Variants in LRMDA observed in about 807,000 individuals in gnomAD.
The protein encoded by LRMDA is leucine rich melanocyte differentiation associated.
LRMDA carries 18 observed loss-of-function variants against 29.8 expected under a neutral mutation model. That is an observed-to-expected ratio of 0.60 (90% CI 0.42 to 0.90). LRMDA has a LOEUF of 0.90. Ranked by LOEUF, LRMDA falls within the 40% of genes least tolerant of loss-of-function variation. The pLI is 0.00. For missense variants in LRMDA, 273 were observed against 273.9 expected (o/e 1.00, Z 0.02); for synonymous variants, 125 against 109.4 (o/e 1.14, Z -0.89).
chr10:75,490,204 C>T (rs1181527466), intron 2 of LRMDA, among the ~76,000 whole-genome samples: 1 of 152,176 alleles, frequency 6.6e-6, no homozygotes, highest in African/African-American at 2.4e-5. Flanking sequence ...TCAAAGTCTA[C>T]TCCTATCAAC....
intron 2 of LRMDA, among the ~76,000 whole-genome samples, chr10:75,884,014 T>C (rs1033913583): frequency 1.3e-5 from 2 of 152,136 alleles, no homozygotes; most frequent in East Asian, 1.9e-4. Flanking sequence ...TGACCTTCCA[T>C]AAGCTGCTTT....
chr10:76,108,129 G>A (rs1004472662), intron 5 of LRMDA, among the ~76,000 whole-genome samples: 1 of 152,114 alleles, frequency 6.6e-6, no homozygotes, highest in East Asian at 1.9e-4. Context: ...TTCAAGCTTG[G>A]GGAAATACTA....
At chr10:76,371,422 T>TA (rs1364381561) in intron 6 of LRMDA, among the ~76,000 whole-genome samples, 1 of 152,144 alleles carries the variant, frequency 6.6e-6, no homozygotes, top group Non-Finnish European at 1.5e-5. Flanking sequence ...TTTATTTTTT[T>TA]TTCTCACAAC....
At chr10:76,518,541 A>T (rs1431154408) in intron 6 of LRMDA, among the ~76,000 whole-genome samples, 1 of 152,146 alleles carries the variant, frequency 6.6e-6, no homozygotes, top group African/African-American at 2.4e-5. Flanking sequence ...CTGTTATTTT[A>T]TCTACCACTG....
intron 2 of LRMDA, among the ~76,000 whole-genome samples, chr10:75,935,781 CCGT>C (rs1374600259): frequency 1.3e-5 from 2 of 152,140 alleles, no homozygotes; most frequent in African/African-American, 2.4e-5. Flanking sequence ...CACTGGGAAG[CCGT>C]CTGTCCACAT....
intron 2 of LRMDA, among the ~76,000 whole-genome samples, chr10:75,500,205 A>C (rs1057195185): frequency 2.6e-5 from 4 of 152,126 alleles, no homozygotes; most frequent in Non-Finnish European, 5.9e-5. Context: ...TGACACCCAG[A>C]CCTTTCTGAA....
intron 5 of LRMDA, among the ~76,000 whole-genome samples, chr10:76,282,235 G>A (rs1055432883): frequency 6.6e-6 from 1 of 152,142 alleles, no homozygotes; most frequent in African/African-American, 2.4e-5. Flanking sequence ...AAATTGCCTT[G>A]CAGTTCTATT....
intron 2 of LRMDA, among the ~76,000 whole-genome samples, chr10:76,028,502 G>A (rs11001592): frequency 0.078 from 11,933 of 152,072 alleles, 721 homozygotes; most frequent in East Asian, 0.24. Flanking sequence ...TTATTGAGCT[G>A]AAAAATGGTT....
intron 5 of LRMDA, among the ~76,000 whole-genome samples, chr10:76,136,367 ATT>A (rs1303016668): frequency 3.3e-5 from 5 of 152,084 alleles, no homozygotes; most frequent in African/African-American, 1.2e-4. Context: ...TGCTGGATTT[ATT>A]TTCTTGCCAA....
intron 5 of LRMDA, among the ~76,000 whole-genome samples, chr10:76,159,754 A>G (rs746366341): frequency 5.3e-5 from 8 of 152,180 alleles, no homozygotes; most frequent in Admixed American, 2.0e-4. Flanking sequence ...ACTTAAATGC[A>G]TATTCATAAG....
intron 2 of LRMDA, among the ~76,000 whole-genome samples, chr10:75,853,433 G>T (rs906981741): frequency 6.8e-6 from 1 of 147,508 alleles, no homozygotes; most frequent in Non-Finnish European, 1.5e-5. Flanking sequence ...AAAGAAGAGG[G>T]GTGTGTGTGT....
chr10:76,143,522 C>T (rs1320721100), intron 5 of LRMDA, among the ~76,000 whole-genome samples: 3 of 151,920 alleles, frequency 2.0e-5, no homozygotes, highest in Non-Finnish European at 2.9e-5. Context: ...ATCCTTTGCC[C>T]ACTTTTTGAT....
intron 5 of LRMDA, among the ~76,000 whole-genome samples, chr10:76,115,734 T>C (rs1849657594): frequency 6.6e-6 from 1 of 152,086 alleles, no homozygotes; most frequent in African/African-American, 2.4e-5. Flanking sequence ...CCGGCTGTTA[T>C]ATGATTAATG....
chr10:75,773,527 T>C (rs1843271059), intron 2 of LRMDA, among the ~76,000 whole-genome samples: 1 of 152,158 alleles, frequency 6.6e-6, no homozygotes, highest in South Asian at 2.1e-4. Flanking sequence ...AATGAAGCTG[T>C]CTATGAGAAA....
chr10:76,152,575 T>A (rs1850465171), intron 5 of LRMDA, among the ~76,000 whole-genome samples: 1 of 152,202 alleles, frequency 6.6e-6, no homozygotes, highest in South Asian at 2.1e-4. Context: ...ATATGGTAAC[T>A]CTATGTTTAA....
chr10:76,327,939 C>T (rs184303944), intron 6 of LRMDA, among the ~76,000 whole-genome samples: 68 of 152,174 alleles, frequency 4.5e-4, no homozygotes, highest in African/African-American at 1.5e-3. Context: ...GGCGGTTTGA[C>T]GGTAGGGAAG....
At chr10:75,612,221 G>T (rs867046526) in intron 2 of LRMDA, among the ~76,000 whole-genome samples, 2 of 152,228 alleles carry the variant, frequency 1.3e-5, no homozygotes, top group Non-Finnish European at 2.9e-5. Context: ...TGCCTTTGAA[G>T]ACTAGTTGAA....
At chr10:76,443,653 A>G (rs1423415702) in intron 6 of LRMDA, among the ~76,000 whole-genome samples, 1 of 152,168 alleles carries the variant, frequency 6.6e-6, no homozygotes, top group Non-Finnish European at 1.5e-5. Flanking sequence ...CATTTCAACC[A>G]CAGCCTTGTT....
chr10:76,529,287 G>A (rs1002938349), intron 6 of LRMDA, among the ~76,000 whole-genome samples: 4 of 152,136 alleles, frequency 2.6e-5, no homozygotes, highest in African/African-American at 9.7e-5. Context: ...TTTTGGAAAG[G>A]CTTAGTATGC....
Sources: allele counts gnomAD v4.1 joint callset (sites outside exome capture counted in the v4.1 genomes callset), GRCh38; gene constraint gnomAD v4.1.1; transcripts MANE v1.5; gene names NCBI Gene and HGNC (gene_info 2026-07-23, HGNC 2026-07-21).